The following CELF6 variants were observed in gnomAD, a reference collection of about 807,000 sequenced individuals.
The protein encoded by CELF6 is Bruno -like 6, RNA binding protein.
CELF6 carries 32 observed loss-of-function variants against 53.1 expected under a neutral mutation model. The ratio of observed to expected loss-of-function variants is 0.60; its 90% confidence interval spans 0.46 to 0.81. The LOEUF is 0.81. Ranked by LOEUF, CELF6 falls within the 30% of genes least tolerant of loss-of-function variation. The pLI, the probability that CELF6 is intolerant of heterozygous loss-of-function variation, is 0.00. For missense variants in CELF6, 539 were observed against 669.5 expected (o/e 0.81, Z 2.15); for synonymous variants, 291 against 288.8 (o/e 1.01, Z -0.08).
chr15:72,306,554 T>TAAAA (rs397966975), intron 2 of CELF6, among the ~76,000 whole-genome samples: 5 of 79,074 alleles, frequency 6.3e-5, no homozygotes, highest in African/African-American at 2.2e-4. Flanking sequence ...GAGGGCTTAC[T>TAAAA]AAAAAAAAAA....
At chr15:72,316,302 A>G (rs2088363996) in intron 1 of CELF6, among the ~76,000 whole-genome samples, 1 of 152,160 alleles carries the variant, frequency 6.6e-6, no homozygotes, top group South Asian at 2.1e-4. Context: ...TTTTGGATTC[A>G]GACTCATGGA....
At chr15:72,318,982 T>C (rs2140310000) in intron 1 of CELF6, among the ~76,000 whole-genome samples, 1 of 152,274 alleles carries the variant, frequency 6.6e-6, no homozygotes, top group Admixed American at 6.5e-5. Context: ...GGGGCTGTTG[T>C]TGAACATGAG....
Position 72,289,516 on chromosome 15 carries a change from G to A in CELF6, c.748-9C>T, listed in dbSNP as rs1221181496. Reference sequence around the variant, plus strand: ...GCCTGGTGCTGCAGGATCTTTGAGAGGAAAGATGGGCGAGAGTGGAGGGCC... The same window carrying A: ...GCCTGGTGCTGCAGGATCTTTGAGAAGAAAGATGGGCGAGAGTGGAGGGCC... On this transcript the variant is annotated splice_polypyrimidine_tract_variant and intron_variant, in intron 6 of 12. Transcript: ENST00000287202. The surrounding 1 kb of genome is among the most constrained non-coding windows in gnomAD (Gnocchi z 7.6). 1.2e-5 allele frequency: 18 copies of A among 1,509,570 alleles called. No individual in the cohort carries two copies. The highest frequency in any genetic ancestry group is 1.6e-5 in the Non-Finnish European group (18 of 1,133,554). 93.5% of individuals were successfully genotyped at this position (1,509,570 alleles called of 1,614,324 possible).
chr15:72,294,855 G>A (rs1385177381), intron 3 of CELF6, among the ~76,000 whole-genome samples: 1 of 151,706 alleles, frequency 6.6e-6, no homozygotes, highest in Non-Finnish European at 1.5e-5. Flanking sequence ...GCATGTGTCT[G>A]TAGTCCCAGC....
intron 3 of CELF6, among the ~76,000 whole-genome samples, chr15:72,303,582 A>T (rs1392437995): frequency 6.6e-6 from 1 of 152,170 alleles, no homozygotes; most frequent in Non-Finnish European, 1.5e-5. Flanking sequence ...ATTGGGTTCC[A>T]TTCTGTTCCT....
Position 72,288,748 on chromosome 15 carries a change from G to C in CELF6, c.1093+120C>G. 3 of 1,326,978 alleles carry C rather than the reference G, an allele frequency of 2.3e-6. No homozygotes were observed. The South Asian group carries it at 3.7e-5, about 17-fold the overall frequency. The allele number at this position is 1,326,978 out of a possible 1,614,324, so 82.2% of individuals were successfully genotyped here. The stretch of plus-strand genomic sequence containing the variant: ...CCCTCACCCCAAGAGAGGTCGTTCT[G>C]GGGGTAGGAGGGGATGGGAGGATCA... On this transcript the variant is annotated intron_variant, in intron 9 of 12. Coordinates refer to ENST00000287202, the MANE Select transcript of CELF6 (RefSeq NM_052840.5). The surrounding 1 kb of genome is among the most constrained non-coding windows in gnomAD (Gnocchi z 4.6).
In CELF6 at chr15:72,289,077, A is replaced by G; in HGVS notation, c.1030+61T>C. 1 of 1,378,078 alleles carries G rather than the reference A, an allele frequency of 7.3e-7. No homozygotes were observed. Among genetic ancestry groups the G allele is most frequent in the Non-Finnish European group, 9.7e-7 (1 of 1,029,138 alleles). 85.4% of individuals were successfully genotyped at this position (1,378,078 alleles called of 1,614,324 possible). ...CTCTTCCCAGGGAAGCCAGGCCCTA[A>G]CCCCCCACCCCCCGCTCCCCACTCC... On this transcript the variant is annotated intron_variant, in intron 8 of 12. Coordinates refer to ENST00000287202, the MANE Select transcript of CELF6 (RefSeq NM_052840.5). This position sits in a 1 kb window ranked among gnomAD's most constrained non-coding sequence, Gnocchi z 7.6.
At chr15:72,310,267 A>G (rs1375992700) in intron 2 of CELF6, among the ~76,000 whole-genome samples, 1 of 152,160 alleles carries the variant, frequency 6.6e-6, no homozygotes, top group Non-Finnish European at 1.5e-5. Context: ...GCAGAGTGGG[A>G]CAGAAAAAAA....
At chr15:72,292,079 A>C in intron 3 of CELF6, 2 of 642,738 alleles carry the variant, frequency 3.1e-6, no homozygotes, top group Non-Finnish European at 5.3e-6. Flanking sequence ...TCAAAATGTA[A>C]GAGAAAAATA....
Position 72,288,758 on chromosome 15 carries a change from G to A in CELF6, c.1093+110C>T. ...AAGAGAGGTCGTTCTGGGGGTAGGA[G>A]GGGATGGGAGGATCAACTCCTTGGA... is the stretch of plus-strand genomic sequence containing the variant. On this transcript the variant is annotated intron_variant, in intron 9 of 12. Coordinates refer to ENST00000287202, the MANE Select transcript of CELF6 (RefSeq NM_052840.5). The surrounding 1 kb of genome is among the most constrained non-coding windows in gnomAD (Gnocchi z 4.6). The A allele has an allele frequency of 7.4e-7, 1 of 1,342,370 alleles. No homozygotes were observed. The highest frequency in any genetic ancestry group is 1.0e-6 in the Non-Finnish European group (1 of 955,384). 83.2% of individuals were successfully genotyped at this position (1,342,370 alleles called of 1,614,324 possible).
In CELF6 at chr15:72,288,668, A is replaced by C. The variant is rs200139811; in HGVS notation, c.1094-50T>G. On this transcript the variant is annotated intron_variant, in intron 9 of 12. Coordinates refer to ENST00000287202, the MANE Select transcript of CELF6 (RefSeq NM_052840.5). The surrounding 1 kb of genome is among the most constrained non-coding windows in gnomAD (Gnocchi z 4.6). ...AGTGATCCCCAGGAGCCCTTCCCCA[A>C]GCAGGGCCCCAACTGCCTGGCCGCT... 151 of 1,519,664 alleles carry C rather than the reference A, an allele frequency of 9.9e-5. No individual in the cohort carries two copies. Among genetic ancestry groups the C allele is most frequent in the Non-Finnish European group, 1.3e-4 (145 of 1,120,262 alleles). 94.1% of individuals were successfully genotyped at this position (1,519,664 alleles called of 1,614,324 possible). A position where few individuals can be genotyped will look rare whatever the true frequency, so the allele number is the denominator to read the frequency against.
At chr15:72,296,408 G>A (rs2088078064) in intron 3 of CELF6, among the ~76,000 whole-genome samples, 1 of 152,052 alleles carries the variant, frequency 6.6e-6, no homozygotes, top group Non-Finnish European at 1.5e-5. Context: ...CTTTAACAAG[G>A]ATCTATTGGA....
In CELF6 at chr15:72,290,057, G is replaced by T; in HGVS notation, c.524-39C>A. On this transcript the variant is annotated intron_variant, in intron 4 of 12. Transcript: ENST00000287202. ...GAGGGAGCGGGTGGCTCAGGCCACA[G>T]GGGCCAAAGAGTTATGTGGCCCAGA... is the stretch of plus-strand genomic sequence containing the variant. 4 of 1,613,390 alleles carry T rather than the reference G, an allele frequency of 2.5e-6. No individual in the cohort carries two copies. In the East Asian group the frequency reaches 8.9e-5, roughly 36 times the overall value.
chr15:72,320,143 C>G lies in CELF6; in HGVS notation c.-269G>C, dbSNP rs1231464427. ...AGGTCCCCGTGCGGCTCTCTCTGGG[C>G]TCCCGCCCGAGCTCTCCCAGAGCCG... is the stretch of plus-strand genomic sequence containing the variant. On this transcript the variant is annotated 5_prime_UTR_variant, in exon 1 of 13. Coordinates refer to ENST00000287202, the MANE Select transcript of CELF6 (RefSeq NM_052840.5). 1.6e-6 allele frequency: 1 copy of G among 634,418 alleles called. No individual in the cohort carries two copies. The highest frequency in any genetic ancestry group is 2.9e-6 in the Non-Finnish European group (1 of 342,054). The allele number at this position is 634,418 out of a possible 1,614,324, so 39.3% of individuals were successfully genotyped here.
intron 3 of CELF6, among the ~76,000 whole-genome samples, chr15:72,299,933 A>G (rs2141194480): frequency 6.6e-6 from 1 of 152,334 alleles, no homozygotes. Flanking sequence ...AGTGTTGCCA[A>G]GGCTGCGGGA....
Position 72,289,558 on chromosome 15 carries a change from C to T in CELF6, c.748-51G>A, listed in dbSNP as rs1456984782. 2.0e-6 allele frequency: 3 copies of T among 1,482,764 alleles called. No homozygotes were observed. Among genetic ancestry groups the T allele is most frequent in the Non-Finnish European group, 2.7e-6 (3 of 1,121,752 alleles). 91.9% of individuals were successfully genotyped at this position (1,482,764 alleles called of 1,614,324 possible). On this transcript the variant is annotated intron_variant, in intron 6 of 12. Transcript: ENST00000287202. This position sits in a 1 kb window ranked among gnomAD's most constrained non-coding sequence, Gnocchi z 7.6. ...TGGAGGGCCAAGGGGCAGGCAGCTG[C>T]CCGTGCTCTCAGCCCCAGGCCTGGC... is the stretch of plus-strand genomic sequence containing the variant.
chr15:72,294,460 C>A (rs976609950), intron 3 of CELF6, among the ~76,000 whole-genome samples: 1 of 152,184 alleles, frequency 6.6e-6, no homozygotes, highest in Non-Finnish European at 1.5e-5. Flanking sequence ...TTAGTGACGA[C>A]TGCAGCATAA....
At chr15:72,306,080 G>A (rs2088226577) in intron 2 of CELF6, 2 of 984,632 alleles carry the variant, frequency 2.0e-6, no homozygotes, top group African/African-American at 1.7e-5. Context: ...TCAATATATC[G>A]CCCCCACATC....
intron 11 of CELF6, 36 bp from the exon 12 acceptor site, chr15:72,287,428 C>CT (rs2087936642): frequency 1.2e-6 from 2 of 1,611,834 alleles, no homozygotes; most frequent in Non-Finnish European, 1.7e-6. Flanking sequence ...GCTGGGGACT[C>CT]TGCCTAGCAG....
Sources: gnomAD v4.1 joint callset for allele counts (sites outside exome capture counted in the v4.1 genomes callset) on GRCh38, gnomAD v4.1.1 for gene constraint, Gnocchi (gnomAD v3.1) non-coding constraint, MANE v1.5 for transcripts, NCBI Gene and HGNC (gene_info 2026-07-23, HGNC 2026-07-21) for gene names.